The following DLG2 variants were observed in gnomAD, a reference collection of about 807,000 sequenced individuals.
The protein encoded by DLG2 is disks large homolog 2.
In DLG2, 45 loss-of-function variants were observed where a neutral mutation model predicts 132.5. The ratio of observed to expected loss-of-function variants is 0.34; its 90% confidence interval spans 0.27 to 0.44. The LOEUF is 0.44. Ranked by LOEUF, DLG2 falls within the 20% of genes least tolerant of loss-of-function variation. DLG2 has a pLI of 1.00. For missense variants in DLG2, 1,045 were observed against 1,196.9 expected, an observed-to-expected ratio of 0.87 and a Z score of 1.87; for synonymous variants, 424 against 419.6, an observed-to-expected ratio of 1.01 and a Z score of -0.13.
intron 6 of DLG2, among the ~76,000 whole-genome samples, chr11:84,884,065 C>G (rs1181276939): frequency 6.6e-6 from 1 of 152,052 alleles, no homozygotes; most frequent in African/African-American, 2.4e-5. Context: ...ATAAAGGATT[C>G]TAAGCTACTC....
At chr11:84,401,131 T>A (rs2098827862) in intron 7 of DLG2, among the ~76,000 whole-genome samples, 1 of 152,114 alleles carries the variant, frequency 6.6e-6, no homozygotes, top group African/African-American at 2.4e-5. Context: ...TAAACAGCTT[T>A]CCTAGTGTCA....
chr11:85,283,780 ATT>A lies in DLG2; in HGVS notation c.186+1438_186+1439del, dbSNP rs1288859050. Among the ~76,000 whole-genome samples the A allele has an allele frequency of 2.6e-5, 4 of 151,880 alleles. No individual in the cohort carries two copies. In the East Asian group the frequency reaches 7.7e-4, roughly 29 times the overall value. On this transcript the variant is annotated intron_variant, in intron 4 of 27. Coordinates refer to ENST00000376104, the MANE Select transcript of DLG2 (RefSeq NM_001142699.3). ...GGCCTTTTGAAAGATGGCTGATAGC[ATT>A]GTTCTCCAAAACAGCTTGACAATTT...
chr11:83,489,398 T>C (rs1000247902), intron 21 of DLG2, among the ~76,000 whole-genome samples: 1 of 151,986 alleles, frequency 6.6e-6, no homozygotes, highest in Admixed American at 6.6e-5. Context: ...GGAAAACACA[T>C]AGATCAGAAG....
intron 11 of DLG2, among the ~76,000 whole-genome samples, chr11:84,052,855 G>A (rs2096420873): frequency 6.6e-6 from 1 of 152,036 alleles, no homozygotes; most frequent in African/African-American, 2.4e-5. Context: ...CACTGTGGAA[G>A]ATAGTCCTCA....
chr11:85,553,007 A>T (rs933187142), intron 3 of DLG2, among the ~76,000 whole-genome samples: 15 of 151,822 alleles, frequency 9.9e-5, no homozygotes, highest in Admixed American at 2.6e-4. Flanking sequence ...AAATACTAAA[A>T]GCAACCTCAG....
chr11:84,487,743 T>C (rs1252718770), intron 7 of DLG2, among the ~76,000 whole-genome samples: 3 of 152,050 alleles, frequency 2.0e-5, no homozygotes, highest in Admixed American at 1.3e-4. Flanking sequence ...ACCATGGGGA[T>C]TGTGTAAAGG....
chr11:85,383,392 A>C (rs2086061936), intron 3 of DLG2, among the ~76,000 whole-genome samples: 1 of 152,176 alleles, frequency 6.6e-6, no homozygotes, highest in Non-Finnish European at 1.5e-5. Context: ...TATAGCTATA[A>C]CTGCATAACT....
chr11:83,463,346 C>G (rs910625219), intron 26 of DLG2, among the ~76,000 whole-genome samples: 2 of 151,914 alleles, frequency 1.3e-5, no homozygotes, highest in African/African-American at 4.8e-5. Context: ...CTAAACTCAT[C>G]TTGTCCTGAG....
chr11:84,132,268 C>T (rs541159227), intron 9 of DLG2, among the ~76,000 whole-genome samples: 2 of 151,992 alleles, frequency 1.3e-5, no homozygotes, highest in South Asian at 4.1e-4. Flanking sequence ...ATTGGATTAC[C>T]ACTGGGGCAA....
chr11:85,278,490 C>T (rs868780106), intron 4 of DLG2, among the ~76,000 whole-genome samples: 1 of 152,078 alleles, frequency 6.6e-6, no homozygotes, highest in South Asian at 2.1e-4. Context: ...ATCTCAGCTA[C>T]TCAGGAGGCT....
chr11:83,758,439 T>C (rs760709618), intron 18 of DLG2, among the ~76,000 whole-genome samples: 17 of 152,186 alleles, frequency 1.1e-4, no homozygotes, highest in Non-Finnish European at 1.5e-5. Flanking sequence ...TATAGGAGAA[T>C]AGGTGGCTTC....
At chr11:84,530,413 T>G (rs900252728) in intron 7 of DLG2, among the ~76,000 whole-genome samples, 1 of 151,968 alleles carries the variant, frequency 6.6e-6, no homozygotes, top group Non-Finnish European at 1.5e-5. Flanking sequence ...GGTCTAATAT[T>G]CAGAATCCAT....
At chr11:84,907,116 T>C (rs1423075899) in intron 6 of DLG2, among the ~76,000 whole-genome samples, 2 of 152,180 alleles carry the variant, frequency 1.3e-5, no homozygotes, top group Non-Finnish European at 2.9e-5. Flanking sequence ...GCATACACCA[T>C]GGAAATGAGA....
At chr11:84,482,185 A>C (rs1445972493) in intron 7 of DLG2, among the ~76,000 whole-genome samples, 1 of 152,220 alleles carries the variant, frequency 6.6e-6, no homozygotes, top group East Asian at 1.9e-4. Context: ...CAAAACAAGA[A>C]TCTTCTTTTT....
In DLG2 at chr11:84,878,844, T is replaced by C. The variant is rs191060213; in HGVS notation, c.357+232817A>G. ...GACAAGGATAATTCAGTTTTTTCCA[T>C]TGACTTACTATTTTTTGAAAGATGG... On this transcript the variant is annotated intron_variant, in intron 6 of 27. Coordinates refer to ENST00000376104, the MANE Select transcript of DLG2 (RefSeq NM_001142699.3). Among the ~76,000 whole-genome samples, 9 of 152,308 alleles carry C rather than the reference T, an allele frequency of 5.9e-5. No homozygotes were observed. The East Asian group carries it at 1.4e-3, about 23-fold the overall frequency.
chr11:84,146,234 T>C (rs377695821), intron 9 of DLG2, among the ~76,000 whole-genome samples: 1 of 145,126 alleles, frequency 6.9e-6, no homozygotes, highest in South Asian at 2.3e-4. Context: ...AATGTTGTTC[T>C]ACTGGAGAGC....
At chr11:83,484,095 T>G in intron 22 of DLG2, 34 bp downstream of exon 22, 1 of 1,571,344 alleles carries the variant, frequency 6.4e-7, no homozygotes, top group Non-Finnish European at 8.8e-7. Flanking sequence ...TTCTCTTATG[T>G]TGCATGTGAC....
At chr11:84,022,362 A>G (rs1366948892) in intron 11 of DLG2, among the ~76,000 whole-genome samples, 1 of 152,176 alleles carries the variant, frequency 6.6e-6, no homozygotes, top group African/African-American at 2.4e-5. Flanking sequence ...AACATCATAA[A>G]ACACAACCAA....
At chr11:84,513,252 T>C (rs772116549) in intron 7 of DLG2, among the ~76,000 whole-genome samples, 4 of 152,140 alleles carry the variant, frequency 2.6e-5, no homozygotes, top group Non-Finnish European at 4.4e-5. Flanking sequence ...AAAATGTCCA[T>C]ACTACCCAAA....
Sources: allele counts gnomAD v4.1 joint callset (sites outside exome capture counted in the v4.1 genomes callset), GRCh38; gene constraint gnomAD v4.1.1; transcripts MANE v1.5; gene names NCBI Gene and HGNC (gene_info 2026-07-23, HGNC 2026-07-21).